Variants in CLEC16A observed in about 807,000 individuals in gnomAD.
CLEC16A encodes the protein protein CLEC16A.
Under a neutral mutation model 109.5 loss-of-function variants are expected in CLEC16A, and 51 were observed. That is an observed-to-expected ratio of 0.47 (90% CI 0.37 to 0.59). The LOEUF (loss-of-function observed/expected upper bound fraction) is 0.59, where lower values mean the gene tolerates loss of function less well. Among genes scored for constraint, CLEC16A ranks in the 20% least tolerant of loss-of-function variants. The pLI is 0.00. For synonymous variants in CLEC16A, 673 were observed against 564.2 expected (o/e 1.19, Z -2.73); for missense variants, 1,339 against 1,394.0 (o/e 0.96, Z 0.63).
Position 11,174,277 on chromosome 16 carries a change from G to C in CLEC16A, c.2807-4058G>C, listed in dbSNP as rs748333159. 1.3e-5 allele frequency: 6 copies of C among 461,682 alleles called. No individual in the cohort carries two copies. The highest frequency in any genetic ancestry group is 9.3e-5 in the South Asian group (6 of 64,492). 28.6% of individuals were successfully genotyped at this position (461,682 alleles called of 1,614,324 possible). A position where few individuals can be genotyped will look rare whatever the true frequency, so the allele number is the denominator to read the frequency against. On this transcript the variant is annotated intron_variant, in intron 23 of 23. Coordinates refer to ENST00000409790, the MANE Select transcript of CLEC16A (RefSeq NM_015226.3). The surrounding 1 kb of genome is among the most constrained non-coding windows in gnomAD (Gnocchi z 4.7). The stretch of plus-strand genomic sequence containing the variant: ...CGGCACCTCACGCACAGTCAATTCA[G>C]GCAGGTCTCCCCTGTGAGCCGCTCG...
chr16:11,131,582 A>T (rs937103978), intron 22 of CLEC16A, among the ~76,000 whole-genome samples: 2 of 152,202 alleles, frequency 1.3e-5, no homozygotes, highest in Non-Finnish European at 2.9e-5. Context: ...AGGCAGGTTG[A>T]CATCTCCTGG....
intron 17 of CLEC16A, chr16:11,048,628 G>C (rs1256362043): frequency 1.3e-5 from 2 of 152,140 alleles, no homozygotes; most frequent in Admixed American, 6.6e-5. Flanking sequence ...TGAGGCTGCC[G>C]TGGAGCCTTT....
intron 22 of CLEC16A, among the ~76,000 whole-genome samples, chr16:11,148,924 C>T (rs918623394): frequency 3.3e-5 from 5 of 152,166 alleles, no homozygotes; most frequent in African/African-American, 1.2e-4. Flanking sequence ...GTACTTCTAT[C>T]CATAGAAGGG....
intron 1 of CLEC16A, among the ~76,000 whole-genome samples, chr16:10,956,150 G>A (rs963358213): frequency 6.6e-6 from 1 of 152,158 alleles, no homozygotes; most frequent in East Asian, 1.9e-4. Context: ...GGTAGATTTG[G>A]GTACAAGTGG....
At chr16:10,990,371 G>T (rs995065671) in intron 10 of CLEC16A, among the ~76,000 whole-genome samples, 4 of 152,194 alleles carry the variant, frequency 2.6e-5, no homozygotes, top group African/African-American at 9.7e-5. Flanking sequence ...GGAGCGTATC[G>T]TTGTCTGAGA....
At position 11,051,776 on chromosome 16, in the gene CLEC16A, C is replaced by T. The variant is rs1238281786; in HGVS notation, c.1995+135C>T. 3.5e-6 allele frequency: 4 copies of T among 1,134,954 alleles called. No individual in the cohort carries two copies. The Admixed American group carries it at 7.9e-5, about 22-fold the overall frequency. 70.3% of individuals were successfully genotyped at this position (1,134,954 alleles called of 1,614,324 possible). A position where few individuals can be genotyped will look rare whatever the true frequency, so the allele number is the denominator to read the frequency against. On this transcript the variant is annotated intron_variant, in intron 18 of 23. Coordinates refer to ENST00000409790, the MANE Select transcript of CLEC16A (RefSeq NM_015226.3). ...AGCTTAGACAGTGGATAGAGAGTACCCATTTGCCCCCAGGCATGACTTTCC... is the reference window on the plus strand; with the variant it reads ...AGCTTAGACAGTGGATAGAGAGTACTCATTTGCCCCCAGGCATGACTTTCC...
chr16:11,171,417 CA>C (rs1407420928), intron 23 of CLEC16A, among the ~76,000 whole-genome samples: 2 of 152,206 alleles, frequency 1.3e-5, no homozygotes, highest in Non-Finnish European at 1.5e-5. Context: ...AACTGTGCCC[CA>C]GGGCACTTTA....
chr16:11,128,773 A>G (rs1367051660), intron 22 of CLEC16A, among the ~76,000 whole-genome samples: 1 of 151,912 alleles, frequency 6.6e-6, no homozygotes, highest in East Asian at 1.9e-4. Flanking sequence ...CATTCTTAAA[A>G]CTTTTCACCC....
chr16:11,075,402 G>GTCTC (rs879547939), intron 19 of CLEC16A, among the ~76,000 whole-genome samples: 1 of 137,906 alleles, frequency 7.3e-6, no homozygotes, highest in Non-Finnish European at 1.6e-5. Context: ...GTGTGTGTGT[G>GTCTC]TGTGTGTGTC....
chr16:10,978,448 T>A (rs2043139021), intron 8 of CLEC16A, among the ~76,000 whole-genome samples: 1 of 152,204 alleles, frequency 6.6e-6, no homozygotes, highest in Non-Finnish European at 1.5e-5. Flanking sequence ...GAAAGTGTAT[T>A]TTTAGTAGAA....
In CLEC16A at chr16:11,036,570, A is replaced by G. The variant is rs544373173; in HGVS notation, c.1538-3184A>G. On this transcript the variant is annotated intron_variant, in intron 13 of 23. Transcript: ENST00000409790. Reference sequence around the variant, plus strand: ...TTTTTTTTTTTTTTTTTTTTTTGAGACAAGAGTCTCGCTCTGTCACCCAGG... The same window carrying G: ...TTTTTTTTTTTTTTTTTTTTTTGAGGCAAGAGTCTCGCTCTGTCACCCAGG... 5.4e-5 allele frequency among the ~76,000 whole-genome samples: 7 copies of G among 129,812 alleles called. No individual in the cohort carries two copies. In the East Asian group the frequency reaches 1.6e-3, roughly 29 times the overall value. The allele number at this position is 129,812 out of a possible 152,430, so 85.2% of individuals were successfully genotyped here.
chr16:11,158,082 G>T (rs956027741), intron 22 of CLEC16A, among the ~76,000 whole-genome samples: 17 of 152,174 alleles, frequency 1.1e-4, no homozygotes, highest in African/African-American at 4.1e-4. Flanking sequence ...GCTGCACTGG[G>T]AGGTGAAAGG....
At chr16:11,026,997 A>C (rs1022743001) in intron 13 of CLEC16A, 4 of 1,560,494 alleles carry the variant, frequency 2.6e-6, no homozygotes, top group Non-Finnish European at 3.5e-6. Flanking sequence ...GGGGTTGCGC[A>C]TGATCAGTAG....
intron 12 of CLEC16A, chr16:11,024,569 C>G (rs2046301956): frequency 4.9e-6 from 2 of 409,948 alleles, no homozygotes. Flanking sequence ...TCTGGAATAC[C>G]TGGTGAATGA....
At chr16:11,119,120 C>T (rs1458373876) in intron 19 of CLEC16A, among the ~76,000 whole-genome samples, 2 of 152,200 alleles carry the variant, frequency 1.3e-5, no homozygotes, top group Non-Finnish European at 2.9e-5. Context: ...CCACCTCAGC[C>T]TCCCGAGTAG....
At chr16:10,983,063 A>G (rs1271816543) in intron 10 of CLEC16A, 72 bp downstream of exon 10, 1 of 850,974 alleles carries the variant, frequency 1.2e-6, no homozygotes, top group Non-Finnish European at 2.0e-6. Context: ...GTGTTTCTCT[A>G]AAATCAGAAA....
chr16:11,021,443 AG>A (rs1192180213), intron 12 of CLEC16A, among the ~76,000 whole-genome samples: 1 of 152,240 alleles, frequency 6.6e-6, no homozygotes, highest in East Asian at 1.9e-4. Context: ...ATAAATAATT[AG>A]AAGAGCCCCA....
chr16:11,012,705 G>A (rs1010911435), intron 11 of CLEC16A, among the ~76,000 whole-genome samples: 2 of 151,972 alleles, frequency 1.3e-5, no homozygotes, highest in African/African-American at 4.8e-5. Flanking sequence ...GGTGGTGGTG[G>A]GTTAAATCAA....
chr16:11,084,031 G>A (rs1443504879), intron 19 of CLEC16A, among the ~76,000 whole-genome samples: 1 of 152,134 alleles, frequency 6.6e-6, no homozygotes, highest in African/African-American at 2.4e-5. Flanking sequence ...AAGCCGTATG[G>A]GCCCCAGCAG....
Sources: gnomAD v4.1 joint callset for allele counts (sites outside exome capture counted in the v4.1 genomes callset) on GRCh38, gnomAD v4.1.1 for gene constraint, Gnocchi (gnomAD v3.1) non-coding constraint, MANE v1.5 for transcripts, NCBI Gene and HGNC (gene_info 2026-07-23, HGNC 2026-07-21) for gene names.